The following PRKCA variants were observed in gnomAD, a reference collection of about 807,000 sequenced individuals.
The protein encoded by PRKCA is protein kinase C alpha, also known as protein kinase C alpha type.
PRKCA carries 27 observed loss-of-function variants against 87.0 expected under a neutral mutation model. The observed-to-expected ratio is 0.31, with a 90% confidence interval of 0.23 to 0.43. PRKCA has a LOEUF of 0.43. Ranked by LOEUF, PRKCA falls within the 20% of genes least tolerant of loss-of-function variation. The probability of loss-of-function intolerance (pLI) is 1.00; values close to 1 mark genes in which losing one functional copy is unlikely to be tolerated. For synonymous variants in PRKCA, 329 were observed against 311.1 expected, an observed-to-expected ratio of 1.06 and a Z score of -0.61; for missense variants, 518 against 852.3, an observed-to-expected ratio of 0.61 and a Z score of 4.88.
intron 3 of PRKCA, among the ~76,000 whole-genome samples, chr17:66,561,917 A>G (rs1968690706): frequency 6.6e-6 from 1 of 151,768 alleles, no homozygotes; most frequent in Non-Finnish European, 1.5e-5. Flanking sequence ...GTTAATGGGT[A>G]TAGAGTTTCA....
At position 66,737,738 on chromosome 17, in the gene PRKCA, C is replaced by T. The variant is rs564914671; in HGVS notation, c.1231-1026C>T. Reference sequence around the variant, plus strand: ...CCAGCCGTTCCCACTGACTCTGAATCAAGTCACGCCAGGGAGAGATGAGAG... The same window carrying T: ...CCAGCCGTTCCCACTGACTCTGAATTAAGTCACGCCAGGGAGAGATGAGAG... On this transcript the variant is annotated intron_variant, in intron 10 of 16. Transcript: ENST00000413366. 2.6e-5 allele frequency among the ~76,000 whole-genome samples: 4 copies of T among 152,356 alleles called. No individual in the cohort carries two copies. In the South Asian group the frequency reaches 8.3e-4, roughly 32 times the overall value.
At chr17:66,323,382 GA>G (rs1473276243) in intron 2 of PRKCA, among the ~76,000 whole-genome samples, 18 of 152,144 alleles carry the variant, frequency 1.2e-4, no homozygotes, top group Non-Finnish European at 2.5e-4. Context: ...TGTTATTGTG[GA>G]AAGAACACCA....
intron 3 of PRKCA, among the ~76,000 whole-genome samples, chr17:66,501,950 G>A (rs1916752110): frequency 1.3e-5 from 2 of 152,152 alleles, no homozygotes; most frequent in African/African-American, 2.4e-5. Flanking sequence ...TGATGGGGTG[G>A]GGCAGATTCA....
At chr17:66,399,761 C>A (rs971462712) in intron 2 of PRKCA, among the ~76,000 whole-genome samples, 3 of 152,182 alleles carry the variant, frequency 2.0e-5, no homozygotes, top group Admixed American at 1.3e-4. Context: ...TCCAGGCTCA[C>A]CCACATTGTA....
intron 3 of PRKCA, among the ~76,000 whole-genome samples, chr17:66,594,272 G>T (rs1203903538): frequency 1.3e-5 from 2 of 152,180 alleles, no homozygotes; most frequent in Non-Finnish European, 2.9e-5. Context: ...GCGTTGCCCA[G>T]TGTTAGTGAT....
intron 5 of PRKCA, among the ~76,000 whole-genome samples, chr17:66,660,798 A>G (rs956780355): frequency 6.6e-6 from 1 of 152,082 alleles, no homozygotes; most frequent in East Asian, 1.9e-4. Context: ...AGTCCCAGCT[A>G]CTCGGGAGGC....
intron 3 of PRKCA, among the ~76,000 whole-genome samples, chr17:66,546,911 C>A (rs1968161605): frequency 6.6e-6 from 1 of 152,132 alleles, no homozygotes; most frequent in East Asian, 1.9e-4. Flanking sequence ...GTGTAAGAAC[C>A]TTACAACAGT....
Position 66,332,848 on chromosome 17 carries a change from C to T in PRKCA, c.205+26721C>T, listed in dbSNP as rs563916921. The stretch of plus-strand genomic sequence containing the variant: ...CTGGGACTACAGGTGCCCGCCACCA[C>T]GCCTGGCTAATTTTTTGTATTTTTA... On this transcript the variant is annotated intron_variant, in intron 2 of 16. Transcript: ENST00000413366. 5.9e-5 allele frequency among the ~76,000 whole-genome samples: 9 copies of T among 152,128 alleles called. 1 individual carries two copies. Among genetic ancestry groups the T allele is most frequent in the Middle Eastern group, 3.4e-3 (1 of 294 alleles).
At chr17:66,603,005 T>C (rs1256463540) in intron 3 of PRKCA, among the ~76,000 whole-genome samples, 2 of 152,194 alleles carry the variant, frequency 1.3e-5, no homozygotes, top group Non-Finnish European at 2.9e-5. Flanking sequence ...ATAAACCCTG[T>C]CCTTCTCACC....
At position 66,522,635 on chromosome 17, in the gene PRKCA, A is replaced by AC. The variant is rs1457879115; in HGVS notation, c.288+26354dup. ...ACCCCACCTTTGTTGAAGGGGAGGA[A>AC]CCAGCTGCCCAAGGCAAACTAGAAG... On this transcript the variant is annotated intron_variant, in intron 3 of 16. Coordinates refer to ENST00000413366, the MANE Select transcript of PRKCA (RefSeq NM_002737.3). Among the ~76,000 whole-genome samples, 3 of 152,098 alleles carry AC rather than the reference A, an allele frequency of 2.0e-5. No homozygotes were observed. The South Asian group carries it at 6.2e-4, about 32-fold the overall frequency.
chr17:66,774,324 T>C, intron 14 of PRKCA: 1 of 1,318,264 alleles, frequency 7.6e-7, no homozygotes, highest in Non-Finnish European at 9.7e-7. Flanking sequence ...TTTCACGTTA[T>C]GAAATGTACA....
At chr17:66,777,193 G>C (rs113039646) in intron 14 of PRKCA, 372 of 985,420 alleles carry the variant, frequency 3.8e-4, no homozygotes, top group Middle Eastern at 5.2e-4. Flanking sequence ...ACAGCCACCT[G>C]TTGTAACACT....
At chr17:66,733,077 G>A (rs1168316678) in intron 9 of PRKCA, among the ~76,000 whole-genome samples, 4 of 151,484 alleles carry the variant, frequency 2.6e-5, no homozygotes, top group Non-Finnish European at 4.4e-5. Context: ...CGTGAACCTG[G>A]GAGGCGGAGC....
chr17:66,609,792 AT>A (rs144832532), intron 3 of PRKCA, among the ~76,000 whole-genome samples: 10 of 148,866 alleles, frequency 6.7e-5, no homozygotes, highest in Non-Finnish European at 9.0e-5. Flanking sequence ...GCTTTATTTT[AT>A]TTTTTTTTTA....
At chr17:66,713,555 T>C (rs925013213) in intron 8 of PRKCA, among the ~76,000 whole-genome samples, 2 of 152,182 alleles carry the variant, frequency 1.3e-5, no homozygotes, top group African/African-American at 2.4e-5. Flanking sequence ...ACATGTTTTG[T>C]GTTGGTGCTT....
intron 3 of PRKCA, among the ~76,000 whole-genome samples, chr17:66,507,593 T>C (rs1302972720): frequency 6.6e-6 from 1 of 152,064 alleles, no homozygotes; most frequent in Admixed American, 6.6e-5. Context: ...GACAGGAGCA[T>C]GTAGGGCTGA....
rs60508263 is a variant in PRKCA at position 66,709,681 on chromosome 17, G to GTT, written c.918+20644_918+20645dup. 9.5e-3 allele frequency among the ~76,000 whole-genome samples: 1,399 copies of GTT among 146,732 alleles called. 16 individuals carry two copies. The highest frequency in any genetic ancestry group is 0.021 in the South Asian group (98 of 4,646). On this transcript the variant is annotated intron_variant, in intron 8 of 16. Transcript: ENST00000413366. ...AAGGAAAGTTATCCAGTTAAGATAG[G>GTT]TTTTTTTTTTTCCCTTTTTCTTTTT...
intron 16 of PRKCA, among the ~76,000 whole-genome samples, chr17:66,790,352 G>A (rs920749760): frequency 6.6e-6 from 1 of 152,158 alleles, no homozygotes; most frequent in East Asian, 1.9e-4. Flanking sequence ...TTTCAAATAA[G>A]GCCCTTTTGT....
At chr17:66,641,222 A>C in intron 3 of PRKCA, 133 bp from the exon 4 acceptor site, 1 of 568,234 alleles carries the variant, frequency 1.8e-6, no homozygotes. Context: ...GTGTGACTCC[A>C]GAGAATGATG....
Sources: gnomAD v4.1 joint callset for allele counts (sites outside exome capture counted in the v4.1 genomes callset) on GRCh38, gnomAD v4.1.1 for gene constraint, MANE v1.5 for transcripts, NCBI Gene and HGNC (gene_info 2026-07-23, HGNC 2026-07-21) for gene names.